The following GOLGA4 variants were observed in gnomAD, a reference collection of about 807,000 sequenced individuals.
GOLGA4 encodes the protein golgin A4, also known as golgin subfamily A member 4.
In GOLGA4, 169 loss-of-function variants were observed where a neutral mutation model predicts 265.9. The observed-to-expected ratio is 0.64, with a 90% CI of 0.56 to 0.72. GOLGA4 has a LOEUF of 0.72. Ranked by LOEUF, GOLGA4 falls within the 30% of genes least tolerant of loss-of-function variation. GOLGA4 has a pLI of 0.00. For synonymous variants in GOLGA4, 923 were observed against 855.8 expected, an observed-to-expected ratio of 1.08 and a Z score of -1.37; for missense variants, 2,482 against 2,483.4, an observed-to-expected ratio of 1.00 and a Z score of 0.01.
At chr3:37,301,154 C>A (rs1462415424) in intron 9 of GOLGA4, among the ~76,000 whole-genome samples, 1 of 152,190 alleles carries the variant, frequency 6.6e-6, no homozygotes, top group Non-Finnish European at 1.5e-5. Flanking sequence ...ATTGTTGTCA[C>A]AAAGTCTGAA....
intron 20 of GOLGA4, among the ~76,000 whole-genome samples, chr3:37,342,956 G>A (rs2097042012): frequency 6.6e-6 from 1 of 152,154 alleles, no homozygotes; most frequent in Non-Finnish European, 1.5e-5. Flanking sequence ...CTGAAGTGCA[G>A]TGGCATGATC....
At position 37,340,218 on chromosome 3, in the gene GOLGA4, C is replaced by T; in HGVS notation, c.6472+19C>T. ...TACAAAGGTAAGGATGATCTCGTGTCATGTTATTAACTGTTATCTTTTATT... is the reference window on the plus strand; with the variant it reads ...TACAAAGGTAAGGATGATCTCGTGTTATGTTATTAACTGTTATCTTTTATT... On this transcript the variant is annotated intron_variant, in intron 20 of 23. Transcript: ENST00000361924. The T allele has an allele frequency of 1.0e-6, 1 of 981,152 alleles. No individual in the cohort carries two copies. Among genetic ancestry groups the T allele is most frequent in the Non-Finnish European group, 1.5e-6 (1 of 648,170 alleles). 60.8% of individuals were successfully genotyped at this position (981,152 alleles called of 1,614,324 possible).
chr3:37,314,404 G>C (rs1343180469), intron 10 of GOLGA4, among the ~76,000 whole-genome samples: 1 of 151,970 alleles, frequency 6.6e-6, no homozygotes, highest in Non-Finnish European at 1.5e-5. Flanking sequence ...ACTTTGGGAG[G>C]ACAAGGTGGG....
At chr3:37,299,741 G>T (rs2096887874) in intron 9 of GOLGA4, among the ~76,000 whole-genome samples, 1 of 152,126 alleles carries the variant, frequency 6.6e-6, no homozygotes, top group Non-Finnish European at 1.5e-5. Flanking sequence ...TAATCTCTCA[G>T]ATAAGTTGCC....
chr3:37,363,825 G>C (rs1439152026), intron 23 of GOLGA4, among the ~76,000 whole-genome samples: 3 of 152,088 alleles, frequency 2.0e-5, no homozygotes, highest in Non-Finnish European at 4.4e-5. Context: ...ATTGCATTTA[G>C]TGGTCATATT....
intron 1 of GOLGA4, among the ~76,000 whole-genome samples, chr3:37,251,174 G>A (rs1281083893): frequency 6.6e-6 from 1 of 152,148 alleles, no homozygotes; most frequent in Non-Finnish European, 1.5e-5. Flanking sequence ...ATGTAGCTAA[G>A]ATCATAGTTC....
At position 37,326,481 on chromosome 3, in the gene GOLGA4, A is replaced by C; in HGVS notation, c.4595A>C (p.Asp1532Ala). 1 of 1,608,398 alleles carries C rather than the reference A, an allele frequency of 6.2e-7. No individual in the cohort carries two copies. Among genetic ancestry groups the C allele is most frequent in the South Asian group, 1.1e-5 (1 of 89,676 alleles). Residue 1532 changes from aspartate to alanine, a missense_variant, in exon 14 of 24, where the codon GAC (aspartate) becomes GCC (alanine). Physicochemically the swap from Asp to Ala is moderately radical, Grantham distance 126 (BLOSUM62 -2). Around this residue, in one of 3 missense-constraint regions of GOLGA4, gnomAD observed 942 missense variants for 983.1 expected, o/e 0.96. Transcript: ENST00000361924. ...SQTARIMELE[D>A]HITQKTIEIE... Reference sequence around the variant, plus strand: ...ACAGCAAGAATTATGGAATTAGAGGACCATATTACCCAGAAAACTATTGAA... The same window carrying C: ...ACAGCAAGAATTATGGAATTAGAGGCCCATATTACCCAGAAAACTATTGAA...
In GOLGA4 at chr3:37,347,178, T is replaced by G. The variant is rs2097059169; in HGVS notation, c.6473-15T>G. ...GTTTTGTCTTTACAGTTTGATCTAT[T>G]TTTTTATTTGGCAGGTGGCAATTTG... On this transcript the variant is annotated splice_polypyrimidine_tract_variant and intron_variant, in intron 20 of 23. Transcript: ENST00000361924. 6.6e-7 allele frequency: 1 copy of G among 1,514,110 alleles called. No individual in the cohort carries two copies. The highest frequency in any genetic ancestry group is 9.2e-7 in the Non-Finnish European group (1 of 1,090,604). 93.8% of individuals were successfully genotyped at this position (1,514,110 alleles called of 1,614,324 possible).
Position 37,323,933 on chromosome 3 carries a change from C to G in GOLGA4, c.2047C>G (p.Gln683Glu). ...GACTTTAGAAAAGCTTGATGTGAAG[C>G]AAACAGAACTAGAATCATTATCTTC... is the stretch of plus-strand genomic sequence containing the variant. Reference protein sequence around the residue: ...EKTLEKLDVKQTELESLSSEL... With the variant: ...EKTLEKLDVKETELESLSSEL... The change falls in exon 14 of 24, where the codon CAA (glutamine) becomes GAA (glutamate). Residue 683 changes from glutamine (Q) to glutamate (E), a missense_variant. Physicochemically the swap from Gln to Glu is conservative, Grantham distance 29. Coordinates refer to ENST00000361924, the MANE Select transcript of GOLGA4 (RefSeq NM_002078.5). 2 of 1,613,502 alleles carry G rather than the reference C, an allele frequency of 1.2e-6. No homozygotes were observed. Among genetic ancestry groups the G allele is most frequent in the Non-Finnish European group, 1.7e-6 (2 of 1,179,900 alleles).
At chr3:37,317,101 A>T (rs1025678021) in intron 11 of GOLGA4, among the ~76,000 whole-genome samples, 2 of 152,154 alleles carry the variant, frequency 1.3e-5, no homozygotes, top group Admixed American at 1.3e-4. Flanking sequence ...CCTGTAATTT[A>T]ATCAGTTTCC....
Position 37,324,155 on chromosome 3 carries a change from C to A in GOLGA4, c.2269C>A (p.Gln757Lys), listed in dbSNP as rs2096963039. The A allele has an allele frequency of 6.2e-7, 1 of 1,613,948 alleles. No individual in the cohort carries two copies. The highest frequency in any genetic ancestry group is 1.3e-5 in the African/African-American group (1 of 75,020). ...GAGGACTGAGAAGGCATTAAAAGAT[C>A]AAATTAATCAACTTGAGCTTCTCTT... ...IQRTEKALKD[Q>K]INQLELLLKE... Residue 757 changes from glutamine to lysine, a missense_variant, in exon 14 of 24, where the codon CAA (glutamine) becomes AAA (lysine). This residue lies in a region of GOLGA4 where 1,536 missense variants were observed against 1,483.7 expected (regional missense o/e 1.04). Coordinates refer to ENST00000361924, the MANE Select transcript of GOLGA4 (RefSeq NM_002078.5).
intron 1 of GOLGA4, among the ~76,000 whole-genome samples, chr3:37,246,779 A>G (rs1389957857): frequency 6.6e-6 from 1 of 152,208 alleles, no homozygotes; most frequent in Non-Finnish European, 1.5e-5. Context: ...TGTTATGTAT[A>G]TTTTTAAAAA....
At chr3:37,286,143 T>A in intron 4 of GOLGA4, 82 bp downstream of exon 4, 1 of 579,634 alleles carries the variant, frequency 1.7e-6, no homozygotes, top group African/African-American at 2.6e-5. Context: ...TCTTTCTTTT[T>A]TTTTTTTTTT....
rs779324272 is a variant in GOLGA4, at chr3:37,329,119, A to G, written c.6192+26A>G. ...GTTTGTACCTTATTTCTTCTCTCTC[A>G]CTTTTGAAATTTAGCTGTAATAGAT... is the stretch of plus-strand genomic sequence containing the variant. On this transcript the variant is annotated intron_variant, in intron 16 of 23. Coordinates refer to ENST00000361924, the MANE Select transcript of GOLGA4 (RefSeq NM_002078.5). 4 of 1,557,494 alleles carry G rather than the reference A, an allele frequency of 2.6e-6. No homozygotes were observed. In the South Asian group the frequency reaches 3.6e-5, roughly 14 times the overall value.
chr3:37,317,885 T>C (rs765375846), intron 11 of GOLGA4, among the ~76,000 whole-genome samples: 81 of 152,142 alleles, frequency 5.3e-4, no homozygotes, highest in Admixed American at 1.2e-3. Context: ...TTGTTATTTG[T>C]TGACTTTATT....
Position 37,257,927 on chromosome 3 carries a change from G to A in GOLGA4, c.162+6443G>A, listed in dbSNP as rs1419680074. ...TATATATATATATGTATGTATATAT[G>A]TATATATACATACATATATATGTAT... is the stretch of plus-strand genomic sequence containing the variant. On this transcript the variant is annotated intron_variant, in intron 2 of 23. Coordinates refer to ENST00000361924, the MANE Select transcript of GOLGA4 (RefSeq NM_002078.5). Among the ~76,000 whole-genome samples, 32 of 102,972 alleles carry A rather than the reference G, an allele frequency of 3.1e-4. 1 individual carries two copies. The highest frequency in any genetic ancestry group is 9.3e-4 in the Admixed American group (9 of 9,700). 67.6% of individuals were successfully genotyped at this position (102,972 alleles called of 152,430 possible).
intron 14 of GOLGA4, 91 bp from the exon 15 acceptor site, chr3:37,328,325 T>TC (rs2096979072): frequency 8.3e-7 from 1 of 1,208,794 alleles, no homozygotes; most frequent in African/African-American, 1.5e-5. Context: ...TACAATGAAC[T>TC]CATACTGTAT....
intron 4 of GOLGA4, 77 bp downstream of exon 4, chr3:37,286,138 CTTTT>C (rs71094903): frequency 2.1e-3 from 484 of 225,236 alleles, no homozygotes; most frequent in East Asian, 6.1e-3. Flanking sequence ...ATATTTCTTT[CTTTT>C]TTTTTTTTTT....
intron 2 of GOLGA4, among the ~76,000 whole-genome samples, chr3:37,257,309 A>G (rs1161637539): frequency 1.3e-5 from 2 of 152,068 alleles, no homozygotes; most frequent in African/African-American, 4.8e-5. Flanking sequence ...TATGTACTGT[A>G]TTAGTACCTG....
Sources: allele counts gnomAD v4.1 joint callset (sites outside exome capture counted in the v4.1 genomes callset), GRCh38; gene constraint gnomAD v4.1.1; regional missense constraint gnomAD v4.1.1; transcripts MANE v1.5; gene names NCBI Gene and HGNC (gene_info 2026-07-23, HGNC 2026-07-21).